LIPC: variants seen among roughly 807,000 people sequenced by gnomAD.
LIPC encodes hepatic triacylglycerol lipase.
LIPC carries 44 observed loss-of-function variants against 50.7 expected under a neutral mutation model. That is an observed-to-expected ratio of 0.87 (90% CI 0.68 to 1.11). LIPC has a LOEUF of 1.11. Among genes scored for constraint, LIPC ranks in the 50% most tolerant of loss-of-function variants. The pLI is 0.00. For missense variants in LIPC, 697 were observed against 648.2 expected, an observed-to-expected ratio of 1.08 and a Z score of -0.82; for synonymous variants, 271 against 256.4, an observed-to-expected ratio of 1.06 and a Z score of -0.54.
intron 1 of LIPC, among the ~76,000 whole-genome samples, chr15:58,519,784 C>G (rs1892599043): frequency 6.6e-6 from 1 of 152,192 alleles, no homozygotes; most frequent in Non-Finnish European, 1.5e-5. Flanking sequence ...AGCCCTTGCT[C>G]TTAGCATCCG....
At chr15:58,477,087 A>G (rs1414798349) in intron 1 of LIPC, among the ~76,000 whole-genome samples, 1 of 152,052 alleles carries the variant, frequency 6.6e-6, no homozygotes, top group East Asian at 1.9e-4. Flanking sequence ...AGGCGGCCAC[A>G]TTTTTCTTTT....
At chr15:58,532,295 G>A (rs1370066059) in intron 1 of LIPC, among the ~76,000 whole-genome samples, 2 of 152,132 alleles carry the variant, frequency 1.3e-5, no homozygotes, top group Non-Finnish European at 2.9e-5. Context: ...TCTTTCCATC[G>A]TGCAAGAAAT....
chr15:58,558,112 C>G (rs1406061485), intron 6 of LIPC, among the ~76,000 whole-genome samples: 7 of 151,702 alleles, frequency 4.6e-5, no homozygotes, highest in African/African-American at 1.2e-4. Flanking sequence ...CTTGCCCTGT[C>G]ACCAGGCTGG....
intron 6 of LIPC, 107 bp from the exon 7 acceptor site, chr15:58,560,757 C>A (rs1283993716): frequency 3.0e-6 from 2 of 675,746 alleles, no homozygotes; most frequent in Non-Finnish European, 5.4e-6. Flanking sequence ...TAATATCTAT[C>A]CAAACTCTTC....
At position 58,568,776 on chromosome 15, in the gene LIPC, CT is replaced by C; in HGVS notation, c.1451del (p.Phe484SerfsTer2). ...LLLRPTQEKI[F>X]VKCEIKSKTS... ...TACTTCGCCCAACCCAGGAAAAAATCTTCGTGAAATGTGAAATAAAGTCTAA... is the reference window on the plus strand; with the variant it reads ...TACTTCGCCCAACCCAGGAAAAAATCTCGTGAAATGTGAAATAAAGTCTAA... On this transcript the variant is annotated frameshift_variant, in exon 9 of 9. Transcript: ENST00000299022. LOFTEE classifies it high-confidence loss of function. The C allele has an allele frequency of 6.2e-7, 1 of 1,611,696 alleles. No individual in the cohort carries two copies.
At chr15:58,458,783 A>G (rs1595866005) in intron 1 of LIPC, among the ~76,000 whole-genome samples, 1 of 152,160 alleles carries the variant, frequency 6.6e-6, no homozygotes, top group East Asian at 1.9e-4. Context: ...TCCCTGCACC[A>G]TTCCTGTCCC....
Position 58,480,470 on chromosome 15 carries a change from T to C in LIPC, c.88+48350T>C, listed in dbSNP as rs539804052. On this transcript the variant is annotated intron_variant, in intron 1 of 8. Transcript: ENST00000299022. ...CCACCACACCTGACTAATTTTTGTA[T>C]TTTTAGTAGAGATGAGGTTTCACTA... Among the ~76,000 whole-genome samples the C allele has an allele frequency of 1.2e-4, 18 of 152,212 alleles. No individual in the cohort carries two copies. The South Asian group carries it at 3.5e-3, about 30-fold the overall frequency.
chr15:58,520,616 T>C (rs1463518353), intron 1 of LIPC, among the ~76,000 whole-genome samples: 1 of 152,122 alleles, frequency 6.6e-6, no homozygotes, highest in Non-Finnish European at 1.5e-5. Context: ...CCAGAAACGC[T>C]TGGCCAAAAA....
intron 8 of LIPC, among the ~76,000 whole-genome samples, chr15:58,568,257 C>A (rs1348043954): frequency 6.6e-6 from 1 of 152,138 alleles, no homozygotes; most frequent in Non-Finnish European, 1.5e-5. Context: ...ATGACACTGG[C>A]CTCATGCCAA....
chr15:58,507,758 T>C (rs538657718), intron 1 of LIPC, among the ~76,000 whole-genome samples: 5 of 152,318 alleles, frequency 3.3e-5, no homozygotes, highest in African/African-American at 1.2e-4. Flanking sequence ...GACAGATTAG[T>C]AGAAGAAAAG....
chr15:58,519,749 C>T (rs1892597150), intron 1 of LIPC, among the ~76,000 whole-genome samples: 1 of 152,184 alleles, frequency 6.6e-6, no homozygotes, highest in Non-Finnish European at 1.5e-5. Context: ...ATTGTGTCTC[C>T]TCCGGAGTTA....
chr15:58,552,288 A>G (rs982805892), intron 6 of LIPC, among the ~76,000 whole-genome samples: 2 of 152,190 alleles, frequency 1.3e-5, no homozygotes, highest in African/African-American at 4.8e-5. Flanking sequence ...AGACACACGC[A>G]CACACAGAGA....
intron 1 of LIPC, among the ~76,000 whole-genome samples, chr15:58,433,381 C>G (rs200524815): frequency 6.6e-6 from 1 of 152,234 alleles, no homozygotes; most frequent in East Asian, 1.9e-4. Context: ...TACCCCAAAG[C>G]CTTCCTTGTG....
intron 1 of LIPC, among the ~76,000 whole-genome samples, chr15:58,485,671 G>A (rs1891349772): frequency 6.6e-6 from 1 of 152,210 alleles, no homozygotes; most frequent in Non-Finnish European, 1.5e-5. Context: ...AGAAGATATT[G>A]CTATGCCTGT....
At chr15:58,557,379 C>CTTTTTTTTTTTTTTTTT (rs386383140) in intron 6 of LIPC, among the ~76,000 whole-genome samples, 7 of 75,692 alleles carry the variant, frequency 9.2e-5, no homozygotes, top group African/African-American at 1.1e-4. Flanking sequence ...ATTATATGCT[C>CTTTTTTTTTTTTTTTTT]TTTTTTTTTT....
intron 1 of LIPC, among the ~76,000 whole-genome samples, chr15:58,464,003 G>A (rs777773977): frequency 3.9e-5 from 6 of 152,072 alleles, no homozygotes; most frequent in Admixed American, 1.3e-4. Flanking sequence ...TAATGGATCA[G>A]TAAATAGAAC....
chr15:58,460,963 A>G lies in LIPC; in HGVS notation c.88+28843A>G, dbSNP rs116945244. On this transcript the variant is annotated intron_variant, in intron 1 of 8. Transcript: ENST00000299022. ...ACCAAGGGACTGACCCGAACATGGC[A>G]TGTAAGAGGGGTTTGTTTGGGGTTG... 5.4e-3 allele frequency among the ~76,000 whole-genome samples: 817 copies of G among 152,296 alleles called. 14 individuals are homozygous for G. Among genetic ancestry groups the G allele is most frequent in the East Asian group, 0.027 (141 of 5,188 alleles).
At chr15:58,515,071 A>G (rs1892445132) in intron 1 of LIPC, among the ~76,000 whole-genome samples, 2 of 152,088 alleles carry the variant, frequency 1.3e-5, no homozygotes, top group African/African-American at 4.8e-5. Context: ...TATATCTTTA[A>G]AGCCAGCAGC....
intron 1 of LIPC, among the ~76,000 whole-genome samples, chr15:58,528,329 C>A (rs183952582): frequency 6.6e-6 from 1 of 152,054 alleles, no homozygotes; most frequent in Non-Finnish European, 1.5e-5. Context: ...TGATTAAATC[C>A]GGCCTAAAAA....
Sources: gnomAD v4.1 joint callset for allele counts (sites outside exome capture counted in the v4.1 genomes callset) on GRCh38, gnomAD v4.1.1 for gene constraint, MANE v1.5 for transcripts, NCBI Gene and HGNC (gene_info 2026-07-23, HGNC 2026-07-21) for gene names.